The following LHFPL6 variants were observed in gnomAD, a reference collection of about 807,000 sequenced individuals.
LHFPL6 encodes LHFPL tetraspan subfamily member 6.
LHFPL6 carries 9 observed loss-of-function variants against 20.6 expected under a neutral mutation model. The observed-to-expected ratio is 0.44, with a 90% CI of 0.26 to 0.76. The LOEUF is 0.76. LHFPL6 is among the 30% of genes least tolerant of loss of function. The pLI is 0.20. For synonymous variants in LHFPL6, 105 were observed against 98.7 expected (o/e 1.06, Z -0.38); for missense variants, 218 against 253.5 (o/e 0.86, Z 0.95).
At chr13:39,418,382 C>CTTTTTTTTTT (rs71077297) in intron 2 of LHFPL6, among the ~76,000 whole-genome samples, 3 of 129,738 alleles carry the variant, frequency 2.3e-5, no homozygotes, top group South Asian at 2.6e-4. Flanking sequence ...TTTTTTTGGT[C>CTTTTTTTTTT]TTTTTTTTTT....
intron 2 of LHFPL6, among the ~76,000 whole-genome samples, chr13:39,447,962 C>T (rs1458845833): frequency 6.6e-6 from 1 of 152,202 alleles, no homozygotes; most frequent in Non-Finnish European, 1.5e-5. Context: ...CATCTTCATT[C>T]TAATTCCTTG....
At chr13:39,546,204 C>A (rs1386875353) in intron 2 of LHFPL6, among the ~76,000 whole-genome samples, 1 of 152,022 alleles carries the variant, frequency 6.6e-6, no homozygotes, top group Admixed American at 6.6e-5. Context: ...AAATTTGGGG[C>A]CAGATGACCT....
At chr13:39,584,904 C>T (rs1413646613) in intron 2 of LHFPL6, among the ~76,000 whole-genome samples, 2 of 152,144 alleles carry the variant, frequency 1.3e-5, no homozygotes, top group Non-Finnish European at 2.9e-5. Flanking sequence ...AGAAATAATA[C>T]AGGGAGCTTG....
At chr13:39,600,783 T>C in intron 2 of LHFPL6, 49 bp downstream of exon 2, 3 of 1,432,808 alleles carry the variant, frequency 2.1e-6, no homozygotes, top group Non-Finnish European at 1.8e-6. Context: ...TAACTTTTAA[T>C]ACTGCTTTGG....
At chr13:39,485,504 A>C (rs1273266919) in intron 2 of LHFPL6, among the ~76,000 whole-genome samples, 1 of 152,214 alleles carries the variant, frequency 6.6e-6, no homozygotes. Context: ...AGGACAGTTC[A>C]GTTTGTTGCT....
intron 2 of LHFPL6, among the ~76,000 whole-genome samples, chr13:39,553,823 C>A (rs1016873507): frequency 6.6e-6 from 1 of 152,210 alleles, no homozygotes; most frequent in Non-Finnish European, 1.5e-5. Context: ...GATAGTGGAA[C>A]ATCATTCCAG....
At chr13:39,475,879 T>C (rs925674644) in intron 2 of LHFPL6, among the ~76,000 whole-genome samples, 6 of 152,096 alleles carry the variant, frequency 3.9e-5, no homozygotes, top group African/African-American at 1.4e-4. Flanking sequence ...TGTAGCACTG[T>C]AGCTGGCAGT....
chr13:39,366,193 C>T (rs1301504209), intron 3 of LHFPL6, among the ~76,000 whole-genome samples: 5 of 152,200 alleles, frequency 3.3e-5, no homozygotes, highest in Non-Finnish European at 4.4e-5. Context: ...AGTGATAACA[C>T]TATGACTGGA....
At chr13:39,390,011 C>A (rs554480205) in intron 2 of LHFPL6, among the ~76,000 whole-genome samples, 14 of 152,322 alleles carry the variant, frequency 9.2e-5, no homozygotes, top group African/African-American at 3.1e-4. Context: ...CAAGCACCAA[C>A]AGACTCCCAA....
chr13:39,494,700 A>G (rs1869039802), intron 2 of LHFPL6, among the ~76,000 whole-genome samples: 1 of 152,222 alleles, frequency 6.6e-6, no homozygotes, highest in Admixed American at 6.5e-5. Flanking sequence ...ACAAAACTAC[A>G]GCTTCACTAG....
intron 2 of LHFPL6, among the ~76,000 whole-genome samples, chr13:39,486,467 A>G (rs1868729410): frequency 6.6e-6 from 1 of 152,190 alleles, no homozygotes; most frequent in South Asian, 2.1e-4. Context: ...ATACATACAC[A>G]CCTATCCCAG....
chr13:39,562,923 G>A (rs1321724298), intron 2 of LHFPL6, among the ~76,000 whole-genome samples: 1 of 151,824 alleles, frequency 6.6e-6, no homozygotes, highest in Non-Finnish European at 1.5e-5. Context: ...CATGCACCAA[G>A]GGGAGAATAA....
intron 2 of LHFPL6, among the ~76,000 whole-genome samples, chr13:39,589,268 G>A (rs1362649553): frequency 6.6e-6 from 1 of 151,982 alleles, no homozygotes; most frequent in African/African-American, 2.4e-5. Context: ...CACCACACCT[G>A]GCTAATTTTT....
chr13:39,491,014 T>G (rs1868907337), intron 2 of LHFPL6, among the ~76,000 whole-genome samples: 2 of 152,294 alleles, frequency 1.3e-5, no homozygotes, highest in South Asian at 4.1e-4. Context: ...AATGGTGTAA[T>G]TAAAATAAAG....
chr13:39,420,079 C>G (rs1447411115), intron 2 of LHFPL6, among the ~76,000 whole-genome samples: 1 of 152,130 alleles, frequency 6.6e-6, no homozygotes. Flanking sequence ...CTGGCCTTTA[C>G]GCTAACAGGC....
At chr13:39,561,339 G>A (rs1415548421) in intron 2 of LHFPL6, among the ~76,000 whole-genome samples, 4 of 152,054 alleles carry the variant, frequency 2.6e-5, no homozygotes, top group Admixed American at 1.3e-4. Context: ...ATCTTGAGTC[G>A]TCTTCAAACC....
chr13:39,533,284 T>G (rs1015307038), intron 2 of LHFPL6, among the ~76,000 whole-genome samples: 3 of 152,190 alleles, frequency 2.0e-5, no homozygotes, highest in Non-Finnish European at 4.4e-5. Flanking sequence ...GGGGCTTAAA[T>G]GAGACAATAG....
intron 2 of LHFPL6, among the ~76,000 whole-genome samples, chr13:39,570,389 C>T (rs766891392): frequency 2.6e-5 from 4 of 152,144 alleles, no homozygotes; most frequent in Non-Finnish European, 5.9e-5. Flanking sequence ...AAGCATCTTC[C>T]AGCCTTGCTG....
chr13:39,510,756 G>A (rs975692778), intron 2 of LHFPL6, among the ~76,000 whole-genome samples: 9 of 151,958 alleles, frequency 5.9e-5, no homozygotes, highest in African/African-American at 1.9e-4. Flanking sequence ...CTTCCTGAGT[G>A]AAAAAGTTAT....
Sources: allele counts gnomAD v4.1 joint callset (sites outside exome capture counted in the v4.1 genomes callset), GRCh38; gene constraint gnomAD v4.1.1; transcripts MANE v1.5; gene names NCBI Gene and HGNC (gene_info 2026-07-23, HGNC 2026-07-21).